Variants in NRXN3 observed in about 807,000 individuals in gnomAD.
NRXN3 encodes the protein neurexin 3, also known as neurexin III.
In NRXN3, 32 loss-of-function variants were observed where a neutral mutation model predicts 137.6. The observed-to-expected ratio is 0.23, with a 90% CI of 0.18 to 0.31. The LOEUF (loss-of-function observed/expected upper bound fraction) is 0.31, where lower values mean the gene tolerates loss of function less well. NRXN3 is among the 10% of genes least tolerant of loss of function. The pLI is 1.00. For missense variants in NRXN3, 1,574 were observed against 2,062.5 expected, an observed-to-expected ratio of 0.76 and a Z score of 4.59; for synonymous variants, 798 against 784.5, an observed-to-expected ratio of 1.02 and a Z score of -0.29.
chr14:79,459,763 T>G (rs951168536), intron 15 of NRXN3, among the ~76,000 whole-genome samples: 4 of 151,960 alleles, frequency 2.6e-5, no homozygotes, highest in African/African-American at 9.7e-5. Flanking sequence ...TTAACATTAG[T>G]CTAGAGTTAG....
At chr14:78,791,533 C>A (rs1446862778) in intron 8 of NRXN3, among the ~76,000 whole-genome samples, 6 of 152,082 alleles carry the variant, frequency 3.9e-5, no homozygotes, top group African/African-American at 1.4e-4. Context: ...TACTAATATC[C>A]TTATATATGA....
intron 10 of NRXN3, among the ~76,000 whole-genome samples, chr14:78,955,258 C>G (rs1252084857): frequency 6.6e-6 from 1 of 152,126 alleles, no homozygotes; most frequent in Non-Finnish European, 1.5e-5. Context: ...CTGAGAACAT[C>G]TGTTCTTGTT....
At chr14:79,613,793 A>G (rs1327462001) in intron 16 of NRXN3, among the ~76,000 whole-genome samples, 1 of 152,212 alleles carries the variant, frequency 6.6e-6, no homozygotes, top group East Asian at 1.9e-4. Context: ...ATCAGAAACC[A>G]TTCTGTCTAA....
chr14:79,641,178 T>G (rs2153958277), intron 16 of NRXN3, among the ~76,000 whole-genome samples: 1 of 133,904 alleles, frequency 7.5e-6, no homozygotes, highest in South Asian at 2.4e-4. Flanking sequence ...TGGCTAATTC[T>G]TCTGTATTTT....
chr14:79,847,478 T>A (rs2099381483), intron 20 of NRXN3, among the ~76,000 whole-genome samples: 1 of 152,216 alleles, frequency 6.6e-6, no homozygotes, highest in East Asian at 1.9e-4. Context: ...CTGTGAAATT[T>A]GAGACAAGTC....
intron 7 of NRXN3, among the ~76,000 whole-genome samples, chr14:78,713,150 A>G (rs921516440): frequency 6.6e-6 from 1 of 152,252 alleles, no homozygotes; most frequent in Admixed American, 6.5e-5. Context: ...GCCTAGGGTC[A>G]TAAAGACATT....
chr14:79,325,406 G>A (rs2090705488), intron 15 of NRXN3, among the ~76,000 whole-genome samples: 1 of 152,114 alleles, frequency 6.6e-6, no homozygotes, highest in African/African-American at 2.4e-5. Context: ...CTTGCTGGAG[G>A]ACTGACATTA....
At chr14:79,135,218 C>A (rs1290623835) in intron 15 of NRXN3, among the ~76,000 whole-genome samples, 1 of 152,058 alleles carries the variant, frequency 6.6e-6, no homozygotes, top group African/African-American at 2.4e-5. Context: ...GTGTGTGTAA[C>A]CTCACAAACA....
chr14:78,734,566 A>G (rs570641915), intron 8 of NRXN3, among the ~76,000 whole-genome samples: 1 of 152,330 alleles, frequency 6.6e-6, no homozygotes, highest in South Asian at 2.1e-4. Flanking sequence ...GACATTTACC[A>G]AGTAATCAAC....
intron 6 of NRXN3, among the ~76,000 whole-genome samples, chr14:78,685,662 CA>C (rs1416308216): frequency 7.3e-6 from 1 of 136,630 alleles, no homozygotes; most frequent in African/African-American, 2.7e-5. Context: ...GATGGAGCTT[CA>C]CTCTTGTTGC....
intron 4 of NRXN3, among the ~76,000 whole-genome samples, chr14:78,346,222 G>A (rs1567321495): frequency 6.6e-6 from 1 of 152,148 alleles, no homozygotes; most frequent in South Asian, 2.1e-4. Context: ...TCTTGACTGC[G>A]GCTCTTGCCC....
rs904268962 is a variant in NRXN3 at position 78,869,409 on chromosome 14, C to T, written c.2275+59065C>T. The stretch of plus-strand genomic sequence containing the variant: ...TTATTTAAAACCTTAAATCTAATCA[C>T]ATCTCCCACTTGCTTGAAACCATTC... On this transcript the variant is annotated intron_variant, in intron 10 of 20. Transcript: ENST00000335750. Among the ~76,000 whole-genome samples, 22 of 152,156 alleles carry T rather than the reference C, an allele frequency of 1.4e-4. No homozygotes were observed. In the South Asian group the frequency reaches 4.6e-3, roughly 32 times the overall value.
chr14:78,266,453 C>T (rs1051618868), intron 2 of NRXN3, among the ~76,000 whole-genome samples: 3 of 152,056 alleles, frequency 2.0e-5, no homozygotes, highest in African/African-American at 7.2e-5. Flanking sequence ...CACATACCAC[C>T]ACGCCCAGCT....
At chr14:78,477,648 A>AT (rs2095403113) in intron 4 of NRXN3, among the ~76,000 whole-genome samples, 1 of 152,210 alleles carries the variant, frequency 6.6e-6, no homozygotes, top group Admixed American at 6.5e-5. Context: ...TAAGGAACAA[A>AT]TGTCTTTTCA....
intron 4 of NRXN3, among the ~76,000 whole-genome samples, chr14:78,373,608 T>C (rs1489029657): frequency 1.3e-5 from 2 of 152,192 alleles, no homozygotes; most frequent in South Asian, 4.1e-4. Flanking sequence ...CATAGATAGA[T>C]AGTGCCTATT....
intron 17 of NRXN3, among the ~76,000 whole-genome samples, chr14:79,675,977 T>G (rs1459929814): frequency 2.0e-5 from 3 of 152,140 alleles, no homozygotes; most frequent in Non-Finnish European, 4.4e-5. Context: ...ATAGCCCTTA[T>G]GCATAAAGGT....
chr14:79,843,934 A>G (rs371310095), intron 20 of NRXN3, among the ~76,000 whole-genome samples: 1 of 152,190 alleles, frequency 6.6e-6, no homozygotes, highest in Middle Eastern at 3.4e-3. Context: ...AAAGACCATT[A>G]TATCATTCTT....
chr14:79,504,658 T>TATATATATATATATATAC (rs2096858190), intron 16 of NRXN3, among the ~76,000 whole-genome samples: 1 of 139,064 alleles, frequency 7.2e-6, no homozygotes, highest in African/African-American at 2.7e-5. Context: ...TATATATGTA[T>TATATATATATATATATAC]ATATATATAT....
intron 20 of NRXN3, among the ~76,000 whole-genome samples, chr14:79,826,705 A>T (rs558217626): frequency 2.6e-5 from 4 of 152,066 alleles, no homozygotes; most frequent in Non-Finnish European, 5.9e-5. Flanking sequence ...CTTTGGGATT[A>T]TTTTTTTCCC....
Sources: gnomAD v4.1 joint callset for allele counts (sites outside exome capture counted in the v4.1 genomes callset) on GRCh38, gnomAD v4.1.1 for gene constraint, MANE v1.5 for transcripts, NCBI Gene and HGNC (gene_info 2026-07-23, HGNC 2026-07-21) for gene names.